Variants in NCOR2 observed in about 807,000 individuals in gnomAD.
NCOR2 encodes CTG repeat protein 26.
A neutral mutation model predicts 262.9 loss-of-function variants in NCOR2; 81 were observed. The observed-to-expected ratio is 0.31, with a 90% confidence interval of 0.26 to 0.37. The LOEUF is 0.37. NCOR2 is among the 10% of genes least tolerant of loss of function. The pLI is 1.00. For synonymous variants in NCOR2, 1,659 were observed against 1,559.3 expected, an observed-to-expected ratio of 1.06 and a Z score of -1.51; for missense variants, 3,385 against 3,621.4, an observed-to-expected ratio of 0.93 and a Z score of 1.68.
rs1163797810 is a variant in NCOR2, at chr12:124,389,517, C to T, written c.1877-3630G>A. ...CAGAAAAACAGAGCTTCTCCACCCC[C>T]GGCAGACAGGGAGCAAACAGCTTCT... On this transcript the variant is annotated intron_variant, in intron 16 of 46. Coordinates refer to ENST00000405201, the Ensembl canonical transcript of NCOR2. The surrounding 1 kb of genome is among the most constrained non-coding windows in gnomAD (Gnocchi z 4.4). Among the ~76,000 whole-genome samples, 2 of 152,210 alleles carry T rather than the reference C, an allele frequency of 1.3e-5. No homozygotes were observed. The highest frequency in any genetic ancestry group is 1.9e-4 in the East Asian group (1 of 5,182).
chr12:124,346,615 C>A, exon 31 of NCOR2: 1 of 1,591,802 alleles, frequency 6.3e-7, no homozygotes, highest in Non-Finnish European at 8.5e-7. Flanking sequence ...GCAGCTCGGG[C>A]GTGTGCCGCA....
At chr12:124,362,146 G>A in exon 22 of NCOR2, 1 of 1,302,700 alleles carries the variant, frequency 7.7e-7, no homozygotes, top group South Asian at 3.1e-5. Context: ...GGCGGGGGGT[G>A]CCGGGCTCCT....
rs765753587 is a variant in NCOR2, at chr12:124,325,578, T to C, written c.7369A>G (p.Thr2457Ala). 32 of 1,287,730 alleles carry C rather than the reference T, an allele frequency of 2.5e-5. No homozygotes were observed. The highest frequency in any genetic ancestry group is 2.9e-5 in the East Asian group (1 of 33,924). The allele number at this position is 1,287,730 out of a possible 1,614,324, so 79.8% of individuals were successfully genotyped here. The change falls in exon 47 of 47, where the codon ACG becomes GCG. Residue 2457 changes from threonine (T) to alanine (A), a missense_variant. Around this residue, in one of 5 missense-constraint regions of NCOR2, gnomAD observed 1,017 missense variants for 967.2 expected, o/e 1.05. Coordinates refer to ENST00000405201, the Ensembl canonical transcript of NCOR2. ...ATCAGGGGGTTGTAGGGGAATGGCGTGGAACCTGCGGGAAGAAGCGAAAGA... is the reference window on the plus strand; with the variant it reads ...ATCAGGGGGTTGTAGGGGAATGGCGCGGAACCTGCGGGAAGAAGCGAAAGA...
chr12:124,446,559 T>G (rs1205224308), intron 7 of NCOR2, among the ~76,000 whole-genome samples: 4 of 151,964 alleles, frequency 2.6e-5, no homozygotes, highest in African/African-American at 9.7e-5. Flanking sequence ...TCTGGGACAC[T>G]CCCCAGAGGT....
intron 1 of NCOR2, among the ~76,000 whole-genome samples, chr12:124,489,084 A>C (rs1231672491): frequency 6.6e-6 from 1 of 151,910 alleles, no homozygotes; most frequent in Non-Finnish European, 1.5e-5. Flanking sequence ...GGACTCCCCC[A>C]ACAAGAGTAC....
intron 16 of NCOR2, among the ~76,000 whole-genome samples, chr12:124,395,564 T>C (rs887594027): frequency 1.3e-5 from 2 of 151,976 alleles, no homozygotes; most frequent in Non-Finnish European, 2.9e-5. Context: ...GACCCAACCT[T>C]GAGATGGTGG....
chr12:124,503,483 A>ATGATGGATTGATGGAT lies in NCOR2; in HGVS notation c.-117-8131_-117-8116dup, dbSNP rs757108752. ...CATGGACTGATGGATGGATGGATGG[A>ATGATGGATTGATGGAT]TGATGGATTGATGGATGGATGGATG... On this transcript the variant is annotated intron_variant, in intron 1 of 46. Transcript: ENST00000404621. This position sits in a 1 kb window ranked among gnomAD's most constrained non-coding sequence, Gnocchi z 4.3. Among the ~76,000 whole-genome samples, 7,482 of 151,364 alleles carry ATGATGGATTGATGGAT rather than the reference A, an allele frequency of 0.049. 484 individuals carry two copies. Among genetic ancestry groups the ATGATGGATTGATGGAT allele is most frequent in the African/African-American group, 0.15 (6,245 of 41,034 alleles).
At chr12:124,505,051 C>T (rs760730245) in intron 1 of NCOR2, among the ~76,000 whole-genome samples, 7 of 152,210 alleles carry the variant, frequency 4.6e-5, no homozygotes, top group Non-Finnish European at 1.0e-4. Context: ...ACCACAAAAT[C>T]GTTTGACAGG....
intron 17 of NCOR2, among the ~76,000 whole-genome samples, chr12:124,384,228 C>T (rs959599028): frequency 3.3e-5 from 5 of 152,366 alleles, no homozygotes; most frequent in South Asian, 2.1e-4. Context: ...CCCCCTTCTG[C>T]GCCCCCAGGC....
rs2051635697 is a variant in NCOR2 at position 124,549,233 on chromosome 12, G to A, written c.-164-13622C>T. On this transcript the variant is annotated intron_variant, in intron 1 of 32. Coordinates refer to the NCOR2 transcript ENST00000458234. The surrounding 1 kb of genome is among the most constrained non-coding windows in gnomAD (Gnocchi z 4.4). ...AGGATCAGATGAATTCACGTGGCAT[G>A]TGCCGCACTGAGACAGGCAGGCACG... 6.6e-6 allele frequency among the ~76,000 whole-genome samples: 1 copy of A among 152,020 alleles called. No individual in the cohort carries two copies. Among genetic ancestry groups the A allele is most frequent in the South Asian group, 2.1e-4 (1 of 4,800 alleles).
chr12:124,545,352 A>G (rs1408104232), intron 1 of NCOR2, among the ~76,000 whole-genome samples: 1 of 152,206 alleles, frequency 6.6e-6, no homozygotes, highest in African/African-American at 2.4e-5. Flanking sequence ...AGAAGCACCC[A>G]GAGACAAGGC....
At chr12:124,375,151 G>A (rs1015956414) in intron 18 of NCOR2, among the ~76,000 whole-genome samples, 4 of 152,218 alleles carry the variant, frequency 2.6e-5, no homozygotes, top group Non-Finnish European at 4.4e-5. Flanking sequence ...GTGGAGGGGA[G>A]AGCACTGAGC....
At chr12:124,370,230 C>A (rs2039388695) in intron 20 of NCOR2, among the ~76,000 whole-genome samples, 1 of 152,250 alleles carries the variant, frequency 6.6e-6, no homozygotes. Flanking sequence ...CCTCAGAAAC[C>A]CGCAGGCCAG....
At chr12:124,420,564 G>A (rs773433165) in intron 12 of NCOR2, among the ~76,000 whole-genome samples, 1 of 152,086 alleles carries the variant, frequency 6.6e-6, no homozygotes, top group Non-Finnish European at 1.5e-5. Context: ...ACCGCCCCAC[G>A]CCCCACGCCC....
chr12:124,390,315 G>A (rs1416596656), intron 16 of NCOR2, among the ~76,000 whole-genome samples: 7 of 152,150 alleles, frequency 4.6e-5, no homozygotes, highest in South Asian at 4.1e-4. Flanking sequence ...CCATGAACCC[G>A]CCCAGCCTCT....
intron 7 of NCOR2, among the ~76,000 whole-genome samples, chr12:124,447,104 G>A (rs112369883): frequency 0.023 from 3,467 of 152,240 alleles, 59 homozygotes; most frequent in Middle Eastern, 0.037. Context: ...TAGTAGAGAT[G>A]GGGTTTCACC....
chr12:124,491,428 T>C (rs1030689297), intron 1 of NCOR2, among the ~76,000 whole-genome samples: 1 of 151,636 alleles, frequency 6.6e-6, no homozygotes, highest in Non-Finnish European at 1.5e-5. Flanking sequence ...ACTTGCCCCC[T>C]GTTTCACAGC....
At chr12:124,337,052 G>T (rs1156955456) in exon 38 of NCOR2, 1 of 1,491,998 alleles carries the variant, frequency 6.7e-7, no homozygotes, top group Non-Finnish European at 8.9e-7. Flanking sequence ...GACCCGGGGG[G>T]CCTCCTTGGG....
At chr12:124,385,724 G>A (rs202085351) in intron 17 of NCOR2, 21 bp downstream of exon 19, 137 of 1,611,998 alleles carry the variant, frequency 8.5e-5, no homozygotes, top group Non-Finnish European at 1.1e-4. Flanking sequence ...GAGGCGCGGT[G>A]CAGCGTGACT....
Sources: gnomAD v4.1 joint callset for allele counts (sites outside exome capture counted in the v4.1 genomes callset) on GRCh38, gnomAD v4.1.1 for gene constraint, gnomAD v4.1.1 regional missense constraint, Gnocchi (gnomAD v3.1) non-coding constraint, MANE v1.5 for transcripts, NCBI Gene and HGNC (gene_info 2026-07-23, HGNC 2026-07-21) for gene names.